IGF1R: variants seen among roughly 807,000 people sequenced by gnomAD.
IGF1R encodes the protein insulin-like growth factor 1 receptor.
Under a neutral mutation model 144.6 loss-of-function variants are expected in IGF1R, and 44 were observed. That is an observed-to-expected ratio of 0.30 (90% CI 0.24 to 0.39). The LOEUF is 0.39. Among genes scored for constraint, IGF1R ranks in the 10% least tolerant of loss-of-function variants. IGF1R has a pLI of 1.00. For missense variants in IGF1R, 1,355 were observed against 1,833.7 expected (o/e 0.74, Z 4.77); for synonymous variants, 795 against 722.8 (o/e 1.10, Z -1.60).
chr15:98,916,828 A>G lies in IGF1R; in HGVS notation c.2153A>G (p.Tyr718Cys). The G allele has an allele frequency of 6.2e-7, 1 of 1,614,058 alleles. No homozygotes were observed. Among genetic ancestry groups the G allele is most frequent in the Non-Finnish European group, 8.5e-7 (1 of 1,180,004 alleles). ...EKQAEKEEAE[Y>C]RKVFENFLHN... ...CAGGCCGAGAAGGAGGAGGCTGAAT[A>G]CCGCAAAGTCTTTGAGAATTTCCTG... Residue 718 changes from tyrosine (Y) to cysteine (C), a missense_variant, in exon 10 of 21, where the codon TAC (tyrosine) becomes TGC (cysteine). Transcript: ENST00000650285.
chr15:98,770,347 G>A (rs1378790421), intron 2 of IGF1R, among the ~76,000 whole-genome samples: 1 of 152,186 alleles, frequency 6.6e-6, no homozygotes, highest in Non-Finnish European at 1.5e-5. Flanking sequence ...GAAAGGGGGC[G>A]ATGAAGAGGG....
At chr15:98,878,337 A>G (rs1449739947) in intron 2 of IGF1R, among the ~76,000 whole-genome samples, 2 of 152,240 alleles carry the variant, frequency 1.3e-5, no homozygotes. Flanking sequence ...GAATGGAAAT[A>G]GGGCTGTAAG....
chr15:98,846,756 G>A (rs2011344147), intron 2 of IGF1R, among the ~76,000 whole-genome samples: 1 of 152,234 alleles, frequency 6.6e-6, no homozygotes, highest in South Asian at 2.1e-4. Flanking sequence ...TGGAAAGCCA[G>A]TGGACAACTC....
Position 98,958,772 on chromosome 15 carries a change from CCT to C in IGF1R, c.*1334_*1335del, listed in dbSNP as rs886051576. 15 of 232,710 alleles carry C rather than the reference CCT, an allele frequency of 6.4e-5. No homozygotes were observed. Among genetic ancestry groups the C allele is most frequent in the Middle Eastern group, 1.2e-3 (1 of 806 alleles). The allele number at this position is 232,710 out of a possible 1,614,324, so 14.4% of individuals were successfully genotyped here. On this transcript the variant is annotated 3_prime_UTR_variant, in exon 21 of 21. Coordinates refer to ENST00000650285, the MANE Select transcript of IGF1R (RefSeq NM_000875.5). ...AATCTATGAAAACCTTCAGGTCCAC[CCT>C]CTCCCCTTTCTGCTCACTCCAAGAA...
intron 2 of IGF1R, among the ~76,000 whole-genome samples, chr15:98,805,300 C>T (rs137905166): frequency 1.3e-5 from 2 of 152,230 alleles, no homozygotes; most frequent in East Asian, 1.9e-4. Context: ...CCATCCCACA[C>T]GCTGATTTTT....
chr15:98,768,205 C>T (rs1406296217), intron 2 of IGF1R, among the ~76,000 whole-genome samples: 3 of 152,136 alleles, frequency 2.0e-5, no homozygotes, highest in African/African-American at 7.2e-5. Flanking sequence ...AATTGGGCAC[C>T]GAGATTTTTT....
At chr15:98,801,134 G>A (rs1013258826) in intron 2 of IGF1R, among the ~76,000 whole-genome samples, 4 of 152,132 alleles carry the variant, frequency 2.6e-5, no homozygotes, top group African/African-American at 9.7e-5. Flanking sequence ...AAGAGAAGAG[G>A]AGGTGGCCTC....
In IGF1R at chr15:98,963,676, GCA is replaced by G. The variant is rs1567230437; in HGVS notation, c.*6239_*6240del. On this transcript the variant is annotated 3_prime_UTR_variant, in exon 21 of 21. Transcript: ENST00000650285. ...TCACATAAACGATGACAGCTATGGGGCACACAGGCCATTTGCTTACATGCCTC... is the reference window on the plus strand; with the variant it reads ...TCACATAAACGATGACAGCTATGGGGCACAGGCCATTTGCTTACATGCCTC... The G allele has an allele frequency of 4.3e-6, 1 of 233,098 alleles. No homozygotes were observed. Among genetic ancestry groups the G allele is most frequent in the Non-Finnish European group, 8.5e-6 (1 of 118,024 alleles). 14.4% of individuals were successfully genotyped at this position (233,098 alleles called of 1,614,324 possible).
Position 98,916,837 on chromosome 15 carries a change from T to A in IGF1R, c.2162T>A (p.Val721Asp). ...AEKEEAEYRK[V>D]FENFLHNSIF... ...AAGGAGGAGGCTGAATACCGCAAAG[T>A]CTTTGAGAATTTCCTGCACAACTCC... is the stretch of plus-strand genomic sequence containing the variant. Residue 721 changes from valine to aspartate, a missense_variant, in exon 10 of 21, where the codon GTC (valine) becomes GAC (aspartate). This residue lies in a region of IGF1R where 880 missense variants were observed against 1,202.7 expected (regional missense o/e 0.73). Coordinates refer to ENST00000650285, the MANE Select transcript of IGF1R (RefSeq NM_000875.5). 6.2e-7 allele frequency: 1 copy of A among 1,613,750 alleles called. No homozygotes were observed. The highest frequency in any genetic ancestry group is 1.1e-5 in the South Asian group (1 of 91,024).
chr15:98,771,320 T>C (rs1345545186), intron 2 of IGF1R, among the ~76,000 whole-genome samples: 2 of 152,192 alleles, frequency 1.3e-5, no homozygotes, highest in African/African-American at 4.8e-5. Flanking sequence ...GTTGTTGTTG[T>C]TGTTTTCCTG....
intron 1 of IGF1R, among the ~76,000 whole-genome samples, chr15:98,696,373 G>A (rs1412399293): frequency 2.0e-5 from 3 of 152,108 alleles, no homozygotes; most frequent in Non-Finnish European, 1.5e-5. Flanking sequence ...ACCTTCCTTG[G>A]TCTGTTCATT....
At chr15:98,934,735 C>A in intron 15 of IGF1R, 89 bp from the exon 16 acceptor site, 1 of 1,083,342 alleles carries the variant, frequency 9.2e-7, no homozygotes, top group Non-Finnish European at 1.4e-6. Flanking sequence ...GAAGCAGCAT[C>A]TTATATTCTT....
intron 2 of IGF1R, among the ~76,000 whole-genome samples, chr15:98,886,059 C>A (rs1159454687): frequency 6.6e-6 from 1 of 152,106 alleles, no homozygotes; most frequent in Non-Finnish European, 1.5e-5. Flanking sequence ...CTCAGTTGAT[C>A]TGCCCGCCTC....
At chr15:98,923,191 T>G (rs1316798933) in intron 11 of IGF1R, among the ~76,000 whole-genome samples, 1 of 152,192 alleles carries the variant, frequency 6.6e-6, no homozygotes. Flanking sequence ...TTCCATGACC[T>G]TTGCTTATCA....
At chr15:98,817,395 T>C (rs1436671601) in intron 2 of IGF1R, among the ~76,000 whole-genome samples, 5 of 151,982 alleles carry the variant, frequency 3.3e-5, no homozygotes. Context: ...AATAATAAGC[T>C]AGTGATGAGC....
At chr15:98,692,091 T>G (rs2053490673) in intron 1 of IGF1R, among the ~76,000 whole-genome samples, 1 of 151,386 alleles carries the variant, frequency 6.6e-6, no homozygotes, top group Admixed American at 6.6e-5. Flanking sequence ...ATCCCAGCAC[T>G]TTGGGAGTCC....
intron 2 of IGF1R, among the ~76,000 whole-genome samples, chr15:98,710,877 C>T (rs2141264405): frequency 6.6e-6 from 1 of 151,960 alleles, no homozygotes; most frequent in East Asian, 1.9e-4. Context: ...ACCATGTTGG[C>T]CAGGCTGGTC....
At chr15:98,687,560 C>T (rs1244132830) in intron 1 of IGF1R, among the ~76,000 whole-genome samples, 1 of 152,164 alleles carries the variant, frequency 6.6e-6, no homozygotes, top group African/African-American at 2.4e-5. Context: ...GGACTTAATG[C>T]AGAAGAATGG....
In IGF1R at chr15:98,960,298, TTG is replaced by T. The variant is rs1491390352; in HGVS notation, c.*2858_*2859del. On this transcript the variant is annotated 3_prime_UTR_variant, in exon 21 of 21. Coordinates refer to ENST00000650285, the MANE Select transcript of IGF1R (RefSeq NM_000875.5). ...GATGTCCTGTTTTGTGTTGCTTTTT[TTG>T]TTTTGTTTTCTATCTTGGTTTCCAC... 3 of 191,066 alleles carry T rather than the reference TTG, an allele frequency of 1.6e-5. No homozygotes were observed. Among genetic ancestry groups the T allele is most frequent in the East Asian group, 1.1e-4 (1 of 9,162 alleles). The allele number at this position is 191,066 out of a possible 1,614,324, so 11.8% of individuals were successfully genotyped here.
Sources: gnomAD v4.1 joint callset for allele counts (sites outside exome capture counted in the v4.1 genomes callset) on GRCh38, gnomAD v4.1.1 for gene constraint, gnomAD v4.1.1 regional missense constraint, MANE v1.5 for transcripts, NCBI Gene and HGNC (gene_info 2026-07-23, HGNC 2026-07-21) for gene names.